Variants in MED4 observed in about 807,000 individuals in gnomAD.
The protein encoded by MED4 is mediator complex subunit 4.
Under a neutral mutation model 35.0 loss-of-function variants are expected in MED4, and 21 were observed. The ratio of observed to expected loss-of-function variants is 0.60; its 90% CI spans 0.43 to 0.86. The LOEUF (loss-of-function observed/expected upper bound fraction) is 0.86. Ranked by LOEUF, MED4 falls within the 40% of genes least tolerant of loss-of-function variation. MED4 has a pLI of 0.00. For missense variants in MED4, 300 were observed against 319.4 expected (o/e 0.94, Z 0.46); for synonymous variants, 138 against 114.0 (o/e 1.21, Z -1.34).
intron 4 of MED4, 25 bp downstream of exon 4, chr13:48,083,346 C>T (rs1252386618): frequency 1.3e-6 from 2 of 1,590,434 alleles, no homozygotes; most frequent in Non-Finnish European, 1.7e-6. Flanking sequence ...CTTTTCAGGT[C>T]ATTCAGTCTT....
Position 48,094,948 on chromosome 13 carries a change from C to T in MED4, c.125+6G>A. The stretch of plus-strand genomic sequence containing the variant: ...TCCAGCCCGGCTCTCAGGCTCGCCG[C>T]ATTACCTAGACAGGACCTCCAAGTC... On this transcript the variant is annotated splice_donor_region_variant and intron_variant, in intron 1 of 6. Coordinates refer to ENST00000258648, the MANE Select transcript of MED4 (RefSeq NM_014166.4). The T allele has an allele frequency of 3.1e-6, 5 of 1,602,340 alleles. No homozygotes were observed. The highest frequency in any genetic ancestry group is 4.2e-6 in the Non-Finnish European group (5 of 1,179,400).
intron 2 of MED4, among the ~76,000 whole-genome samples, chr13:48,089,905 A>G (rs1005786945): frequency 2.0e-5 from 3 of 152,216 alleles, no homozygotes; most frequent in Non-Finnish European, 4.4e-5. Context: ...TTTCACCCCT[A>G]TAAGGCAATG....
rs557396304 is a variant in MED4 at position 48,095,016 on chromosome 13, C to T, written c.63G>A (p.Ala21=). The part of the protein sequence containing the change: ...KERLGGGLGV[A]GGNSTRERLL... Reference sequence around the variant, plus strand: ...GCCGCTCTCGTGTGCTGTTACCACCCGCCACTCCCAAACCGCCTCCCAGCC... The same window carrying T: ...GCCGCTCTCGTGTGCTGTTACCACCTGCCACTCCCAAACCGCCTCCCAGCC... Residue 21 remains alanine (A), a synonymous_variant, in exon 1 of 7, where the codon GCG becomes GCA. Coordinates refer to ENST00000258648, the MANE Select transcript of MED4 (RefSeq NM_014166.4). 18 of 1,605,050 alleles carry T rather than the reference C, an allele frequency of 1.1e-5. No homozygotes were observed. In the East Asian group the frequency reaches 3.6e-4, roughly 32 times the overall value.
chr13:48,084,265 C>CAAAAA (rs71099664), intron 3 of MED4, among the ~76,000 whole-genome samples: 3 of 109,954 alleles, frequency 2.7e-5, no homozygotes, highest in African/African-American at 1.1e-4. Flanking sequence ...GACTCTGTCT[C>CAAAAA]AAAAAAAAAA....
At position 48,095,025 on chromosome 13, in the gene MED4, C is replaced by G. The variant is rs1364289887; in HGVS notation, c.54G>C (p.Leu18Phe). ...EKEKERLGGGLGVAGGNSTRE... is the reference protein window; with the variant it reads ...EKEKERLGGGFGVAGGNSTRE... Reference sequence around the variant, plus strand: ...GTGTGCTGTTACCACCCGCCACTCCCAAACCGCCTCCCAGCCGCTCCTTCT... The same window carrying G: ...GTGTGCTGTTACCACCCGCCACTCCGAAACCGCCTCCCAGCCGCTCCTTCT... The change falls in exon 1 of 7, where the codon TTG becomes TTC. Residue 18 changes from leucine to phenylalanine, a missense_variant. Coordinates refer to ENST00000258648, the MANE Select transcript of MED4 (RefSeq NM_014166.4). The G allele has an allele frequency of 1.2e-6, 2 of 1,606,456 alleles. No individual in the cohort carries two copies. Among genetic ancestry groups the G allele is most frequent in the East Asian group, 2.2e-5 (1 of 44,864 alleles).
intron 1 of MED4, chr13:48,093,696 G>A (rs1418155573): frequency 5.6e-6 from 2 of 356,466 alleles, no homozygotes; most frequent in Non-Finnish European, 1.1e-5. Context: ...CCCTAATACA[G>A]TTTATTTTAA....
chr13:48,093,595 G>A (rs1241096955), intron 1 of MED4: 1 of 470,162 alleles, frequency 2.1e-6, no homozygotes, highest in Non-Finnish European at 4.4e-6. Flanking sequence ...CACACCACCA[G>A]AGCAGCTTCA....
At position 48,076,060 on chromosome 13, in the gene MED4, T is replaced by A. The variant is rs1950756357; in HGVS notation, c.*1079A>T. On this transcript the variant is annotated 3_prime_UTR_variant, in exon 7 of 7. Coordinates refer to ENST00000258648, the MANE Select transcript of MED4 (RefSeq NM_014166.4). ...ACATTATTCTCATTTTACAAAAAAG[T>A]GTATGTGAACTTTAAAAAAATCTAC... is the stretch of plus-strand genomic sequence containing the variant. The A allele has an allele frequency of 6.7e-6, 1 of 150,322 alleles. No individual in the cohort carries two copies. Among genetic ancestry groups the A allele is most frequent in the African/African-American group, 2.5e-5 (1 of 40,762 alleles). 9.3% of individuals were successfully genotyped at this position (150,322 alleles called of 1,614,324 possible). A position where few individuals can be genotyped will look rare whatever the true frequency, so the allele number is the denominator to read the frequency against.
intron 1 of MED4, among the ~76,000 whole-genome samples, chr13:48,090,822 T>C (rs2148938): frequency 0.51 from 78,197 of 152,130 alleles, 23,054 homozygotes; most frequent in Non-Finnish European, 0.66. Flanking sequence ...AGACAATGCA[T>C]TATGAGCGAT....
chr13:48,077,322 AAAG>A lies in MED4; in HGVS notation c.641-14_641-12del. ...GTGGAGCAAGGACATCTGGAGAAAA[AAAG>A]AAGCATAGATAAGAACAGCTCTATC... On this transcript the variant is annotated splice_polypyrimidine_tract_variant and intron_variant, in intron 6 of 6. Transcript: ENST00000258648. 2 of 1,462,178 alleles carry A rather than the reference AAAG, an allele frequency of 1.4e-6. No homozygotes were observed. The highest frequency in any genetic ancestry group is 1.5e-5 in the South Asian group (1 of 66,594). The allele number at this position is 1,462,178 out of a possible 1,614,324, so 90.6% of individuals were successfully genotyped here.
At chr13:48,083,786 C>A (rs9526442) in intron 3 of MED4, among the ~76,000 whole-genome samples, 12 of 151,948 alleles carry the variant, frequency 7.9e-5, no homozygotes, top group Admixed American at 7.9e-4. Flanking sequence ...AATAAAATAC[C>A]CTTTTTTCCC....
chr13:48,081,029 C>T (rs1227589120), intron 5 of MED4, among the ~76,000 whole-genome samples: 2 of 152,238 alleles, frequency 1.3e-5, no homozygotes, highest in Non-Finnish European at 2.9e-5. Flanking sequence ...ACCCTTAGTG[C>T]TTTCAGCATG....
At position 48,083,779 on chromosome 13, in the gene MED4, A is replaced by G. The variant is rs948566029; in HGVS notation, c.364-351T>C. Among the ~76,000 whole-genome samples the G allele has an allele frequency of 7.9e-5, 12 of 152,350 alleles. No homozygotes were observed. In the South Asian group the frequency reaches 1.5e-3, roughly 18 times the overall value. On this transcript the variant is annotated intron_variant, in intron 3 of 6. Transcript: ENST00000258648. ...CTATTCTTGCAACTAGTTCAAGAATAAAATACCCTTTTTTCCCCTAGTTTG... is the reference window on the plus strand; with the variant it reads ...CTATTCTTGCAACTAGTTCAAGAATGAAATACCCTTTTTTCCCCTAGTTTG...
At chr13:48,088,167 C>G (rs1415854267) in intron 2 of MED4, among the ~76,000 whole-genome samples, 2 of 152,192 alleles carry the variant, frequency 1.3e-5, no homozygotes, top group Non-Finnish European at 2.9e-5. Flanking sequence ...TACCCCAGTA[C>G]AGAATTAAGA....
chr13:48,076,202 T>C lies in MED4; in HGVS notation c.*937A>G, dbSNP rs1353602872. On this transcript the variant is annotated 3_prime_UTR_variant, in exon 7 of 7. Transcript: ENST00000258648. ...TTGTATTACCTTTGAAATCAGAAGA[T>C]ACATTGTCTAAAACTGATACATCAA... 2.0e-5 allele frequency: 3 copies of C among 152,172 alleles called. No homozygotes were observed. Among genetic ancestry groups the C allele is most frequent in the East Asian group, 1.9e-4 (1 of 5,192 alleles). The allele number at this position is 152,172 out of a possible 1,614,324, so 9.4% of individuals were successfully genotyped here.
Position 48,081,712 on chromosome 13 carries a change from TTCTTC to T in MED4, c.436_440del (p.Glu146AsnfsTer3), listed in dbSNP as rs751829470. On this transcript the variant is annotated frameshift_variant, in exon 5 of 7. Transcript: ENST00000258648. LOFTEE classifies it high-confidence loss of function. ...TGATCCTATGTGCATACTTAATTATTTCTTCAGAGGAGATAGCACCTGAAAGAGTT... is the reference window on the plus strand; with the variant it reads ...TGATCCTATGTGCATACTTAATTATTAGAGGAGATAGCACCTGAAAGAGTT... 3 of 1,611,102 alleles carry T rather than the reference TTCTTC, an allele frequency of 1.9e-6. No homozygotes were observed. The highest frequency in any genetic ancestry group is 1.7e-6 in the Non-Finnish European group (2 of 1,178,796).
At position 48,077,331 on chromosome 13, in the gene MED4, T is replaced by C. The variant is rs753027276; in HGVS notation, c.641-20A>G. 4.9e-5 allele frequency: 72 copies of C among 1,459,954 alleles called. No homozygotes were observed. Among genetic ancestry groups the C allele is most frequent in the South Asian group, 3.3e-4 (22 of 67,040 alleles). 90.4% of individuals were successfully genotyped at this position (1,459,954 alleles called of 1,614,324 possible). A position where few individuals can be genotyped will look rare whatever the true frequency, so the allele number is the denominator to read the frequency against. On this transcript the variant is annotated intron_variant, in intron 6 of 6. Coordinates refer to ENST00000258648, the MANE Select transcript of MED4 (RefSeq NM_014166.4). ...GGACATCTGGAGAAAAAAAGAAGCA[T>C]AGATAAGAACAGCTCTATCTGTAAT...
chr13:48,088,602 T>C (rs1950869428), intron 2 of MED4, among the ~76,000 whole-genome samples: 1 of 152,188 alleles, frequency 6.6e-6, no homozygotes, highest in Non-Finnish European at 1.5e-5. Flanking sequence ...TTTACACAGG[T>C]TGAATTAATT....
Position 48,076,579 on chromosome 13 carries a change from A to G in MED4, c.*560T>C, listed in dbSNP as rs1007098536. 6.6e-6 allele frequency: 1 copy of G among 151,372 alleles called. No homozygotes were observed. The highest frequency in any genetic ancestry group is 2.4e-5 in the African/African-American group (1 of 41,398). 9.4% of individuals were successfully genotyped at this position (151,372 alleles called of 1,614,324 possible). A position where few individuals can be genotyped will look rare whatever the true frequency, so the allele number is the denominator to read the frequency against. ...TATATTTAAACTAAAAAAAAAGCAT[A>G]CAATGTACAAACAAATTTATTTACA... On this transcript the variant is annotated 3_prime_UTR_variant, in exon 7 of 7. Coordinates refer to ENST00000258648, the MANE Select transcript of MED4 (RefSeq NM_014166.4).
Sources: gnomAD v4.1 joint callset for allele counts (sites outside exome capture counted in the v4.1 genomes callset) on GRCh38, gnomAD v4.1.1 for gene constraint, MANE v1.5 for transcripts, NCBI Gene and HGNC (gene_info 2026-07-23, HGNC 2026-07-21) for gene names.